The following SAMD5 variants were observed in gnomAD, a reference collection of about 807,000 sequenced individuals.
The protein encoded by SAMD5 is sterile alpha motif domain-containing protein 5.
A neutral mutation model predicts 11.3 loss-of-function variants in SAMD5; 13 were observed. The observed-to-expected ratio is 1.15, with a 90% CI of 0.75 to 1.83. The LOEUF (loss-of-function observed/expected upper bound fraction) is 1.83, where lower values mean the gene tolerates loss of function less well. Ranked by LOEUF, SAMD5 falls within the 40% of genes most tolerant of loss-of-function variation. The probability of loss-of-function intolerance (pLI) is 0.00; values close to 1 mark genes in which losing one functional copy is unlikely to be tolerated. For synonymous variants in SAMD5, 129 were observed against 111.3 expected, an observed-to-expected ratio of 1.16 and a Z score of -1.00; for missense variants, 255 against 239.1, an observed-to-expected ratio of 1.07 and a Z score of -0.44.
chr6:147,519,892 G>A (rs568360433), intron 1 of SAMD5, among the ~76,000 whole-genome samples: 1 of 152,256 alleles, frequency 6.6e-6, no homozygotes, highest in East Asian at 1.9e-4. Context: ...GTTTAAAATT[G>A]TCAGCAGGAC....
chr6:147,852,046 T>C, the SAMD5 span, among the ~76,000 whole-genome samples: 4 of 152,188 alleles, frequency 2.6e-5, no homozygotes, highest in Non-Finnish European at 5.9e-5. Flanking sequence ...AAATATATTT[T>C]TCAGTATCAT....
the SAMD5 span, among the ~76,000 whole-genome samples, chr6:147,827,846 G>A: frequency 6.6e-6 from 1 of 151,946 alleles, no homozygotes; most frequent in East Asian, 1.9e-4. Context: ...CTGGAGTGCA[G>A]TGGCGCGATC....
chr6:147,922,373 A>G, the SAMD5 span, among the ~76,000 whole-genome samples: 1 of 152,302 alleles, frequency 6.6e-6, no homozygotes, highest in African/African-American at 2.4e-5. Flanking sequence ...TGCTCTTCTG[A>G]CTAATATTAT....
At chr6:147,773,439 A>T in the SAMD5 span, among the ~76,000 whole-genome samples, 1 of 152,174 alleles carries the variant, frequency 6.6e-6, no homozygotes, top group Non-Finnish European at 1.5e-5. Context: ...GTCATAGTCC[A>T]TCTGGGCTGC....
chr6:147,789,278 A>ACACAC, the SAMD5 span, among the ~76,000 whole-genome samples: 2 of 141,106 alleles, frequency 1.4e-5, no homozygotes, highest in African/African-American at 5.2e-5. Flanking sequence ...TCTCTAGAAA[A>ACACAC]ACACACACAC....
At chr6:147,595,362 A>ATT (rs1416600233) in intron 1 of SAMD5, among the ~76,000 whole-genome samples, 1 of 152,148 alleles carries the variant, frequency 6.6e-6, no homozygotes, top group African/African-American at 2.4e-5. Context: ...TTTGAAACTT[A>ATT]GAATAACTTT....
the SAMD5 span, among the ~76,000 whole-genome samples, chr6:147,845,195 A>G: frequency 6.6e-6 from 1 of 151,538 alleles, no homozygotes; most frequent in African/African-American, 2.4e-5. Context: ...AGCAATTGAC[A>G]TTCATCCTAA....
the SAMD5 span, among the ~76,000 whole-genome samples, chr6:147,790,227 A>G: frequency 1.3e-5 from 2 of 152,260 alleles, no homozygotes; most frequent in Non-Finnish European, 2.9e-5. Context: ...ATGGAATATT[A>G]TACAGTGATA....
intron 1 of SAMD5, among the ~76,000 whole-genome samples, chr6:147,650,526 A>T (rs763891130): frequency 1.9e-4 from 29 of 152,214 alleles, no homozygotes; most frequent in Non-Finnish European, 4.1e-4. Flanking sequence ...TGCTGTAGAG[A>T]TTGGGTTTCA....
chr6:147,535,797 T>A (rs1285194563), intron 1 of SAMD5, among the ~76,000 whole-genome samples: 1 of 152,122 alleles, frequency 6.6e-6, no homozygotes, highest in Non-Finnish European at 1.5e-5. Context: ...CCTAAGATAA[T>A]CTGGGGTTCC....
the SAMD5 span, among the ~76,000 whole-genome samples, chr6:147,755,683 G>A: frequency 6.6e-6 from 1 of 152,122 alleles, no homozygotes; most frequent in Non-Finnish European, 1.5e-5. Flanking sequence ...CAGATTTGGG[G>A]AATATAACTT....
chr6:147,568,626 A>G lies in SAMD5; in HGVS notation c.*4170A>G. 1 of 985,288 alleles carries G rather than the reference A, an allele frequency of 1.0e-6. No homozygotes were observed. The highest frequency in any genetic ancestry group is 1.7e-5 in the African/African-American group (1 of 57,368). The allele number at this position is 985,288 out of a possible 1,614,324, so 61.0% of individuals were successfully genotyped here. ...CATCTTGTGCTTACAGTAAAGCCATATAGATGCACACATAGTGACTTTATT... is the reference window on the plus strand; with the variant it reads ...CATCTTGTGCTTACAGTAAAGCCATGTAGATGCACACATAGTGACTTTATT... On this transcript the variant is annotated 3_prime_UTR_variant, in exon 2 of 2. Coordinates refer to ENST00000367474, the MANE Select transcript of SAMD5 (RefSeq NM_001030060.3).
chr6:147,953,835 G>T, the SAMD5 span: 1 of 152,200 alleles, frequency 6.6e-6, no homozygotes, highest in African/African-American at 2.4e-5. Flanking sequence ...AGTACATTTT[G>T]CTGGTTGATG....
intron 1 of SAMD5, among the ~76,000 whole-genome samples, chr6:147,527,578 C>T (rs779332408): frequency 1.3e-5 from 2 of 152,060 alleles, no homozygotes; most frequent in Non-Finnish European, 2.9e-5. Flanking sequence ...TCATTTGGCC[C>T]CTGACCCCTC....
At chr6:147,842,166 C>T in the SAMD5 span, among the ~76,000 whole-genome samples, 55 of 152,026 alleles carry the variant, frequency 3.6e-4, no homozygotes, top group East Asian at 6.6e-3. Context: ...AAAAAATTAA[C>T]GACTGTTTTC....
At chr6:147,847,424 A>AC in the SAMD5 span, among the ~76,000 whole-genome samples, 7 of 152,322 alleles carry the variant, frequency 4.6e-5, no homozygotes, top group South Asian at 1.5e-3. Context: ...TTTAAAAAAA[A>AC]CCCACCTCAG....
At chr6:147,863,483 G>A in the SAMD5 span, among the ~76,000 whole-genome samples, 3 of 152,152 alleles carry the variant, frequency 2.0e-5, no homozygotes, top group Non-Finnish European at 4.4e-5. Context: ...AAAAGATTTT[G>A]TTACCTACTA....
the SAMD5 span, among the ~76,000 whole-genome samples, chr6:147,881,958 C>T: frequency 3.3e-5 from 5 of 152,152 alleles, no homozygotes; most frequent in South Asian, 2.1e-4. Flanking sequence ...GTCCAGTGCC[C>T]GATATGAATG....
intron 1 of SAMD5, among the ~76,000 whole-genome samples, chr6:147,558,643 C>A (rs1295509006): frequency 5.3e-5 from 8 of 152,088 alleles, no homozygotes; most frequent in African/African-American, 1.9e-4. Flanking sequence ...CTCATGGGCT[C>A]TTCTGCAGGT....
Sources: gnomAD v4.1 joint callset for allele counts (sites outside exome capture counted in the v4.1 genomes callset) on GRCh38, gnomAD v4.1.1 for gene constraint, MANE v1.5 for transcripts, NCBI Gene and HGNC (gene_info 2026-07-23, HGNC 2026-07-21) for gene names.